SPATA1: variants seen among roughly 807,000 people sequenced by gnomAD.
SPATA1 encodes the protein spermatogenesis-associated protein 1.
Under a neutral mutation model 59.6 loss-of-function variants are expected in SPATA1, and 57 were observed. The observed-to-expected ratio is 0.96, with a 90% CI of 0.77 to 1.19. The LOEUF is 1.19. Ranked by LOEUF, SPATA1 falls within the 50% of genes most tolerant of loss-of-function variation. The probability of loss-of-function intolerance (pLI) is 0.00; values close to 1 mark genes in which losing one functional copy is unlikely to be tolerated. For synonymous variants in SPATA1, 147 were observed against 163.9 expected (o/e 0.90, Z 0.79); for missense variants, 448 against 480.7 (o/e 0.93, Z 0.64).
At chr1:84,558,337 T>G (rs974391563), downstream of SPATA1, among the ~76,000 whole-genome samples, 2 of 151,392 alleles carry the variant, frequency 1.3e-5, no homozygotes, top group Non-Finnish European at 1.5e-5. Flanking sequence ...TCGCCCAGGC[T>G]GGAGTGCAGT....
At chr1:84,539,430 G>A (rs1392400088) in intron 8 of SPATA1, among the ~76,000 whole-genome samples, 6 of 152,116 alleles carry the variant, frequency 3.9e-5, no homozygotes, top group Non-Finnish European at 4.4e-5. Context: ...TTACGCTCCC[G>A]CTAGGAATCC....
In SPATA1 at chr1:84,532,908, T is replaced by C. The variant is rs946256060; in HGVS notation, c.593T>C (p.Ile198Thr). The C allele has an allele frequency of 3.4e-5, 53 of 1,552,074 alleles. No homozygotes were observed. In the Middle Eastern group the frequency reaches 1.3e-3, roughly 39 times the overall value. Reference sequence around the variant, plus strand: ...AAAAGCCAAATTGCAAAAAATCAAATTGGAAATTCTGAGTTGCCAGGATCA... The same window carrying C: ...AAAAGCCAAATTGCAAAAAATCAAACTGGAAATTCTGAGTTGCCAGGATCA... The change falls in exon 7 of 13, where the codon ATT (isoleucine) becomes ACT (threonine). Residue 198 changes from isoleucine to threonine, a missense_variant. Ile to Thr is a moderately conservative substitution (Grantham distance 89). Coordinates refer to ENST00000490879, the Ensembl canonical transcript of SPATA1.
At chr1:84,541,387 T>G (rs58210479) in intron 8 of SPATA1, among the ~76,000 whole-genome samples, 1 of 151,852 alleles carries the variant, frequency 6.6e-6, no homozygotes, top group Non-Finnish European at 1.5e-5. Flanking sequence ...TCTGCCACTT[T>G]CATTCTGATC....
intron 8 of SPATA1, 131 bp from the exon 9 acceptor site, chr1:84,544,071 C>T: frequency 1.6e-6 from 1 of 631,406 alleles, no homozygotes; most frequent in Non-Finnish European, 2.8e-6. Flanking sequence ...GCTATAAATA[C>T]AAAATTTGGA....
chr1:84,566,020 A>G, exon 5 of SPATA1: 1 of 1,508,676 alleles, frequency 6.6e-7, no homozygotes, highest in Non-Finnish European at 8.9e-7. Context: ...TACCTGTGGA[A>G]AAAAATCTTA....
chr1:84,520,800 C>A, intron 3 of SPATA1, 109 bp downstream of exon 3: 1 of 729,918 alleles, frequency 1.4e-6, no homozygotes, highest in Non-Finnish European at 2.2e-6. Context: ...ATATTTTGTC[C>A]ACGTGATAGA....
At chr1:84,521,230 A>G (rs1683012998) in intron 3 of SPATA1, among the ~76,000 whole-genome samples, 1 of 152,208 alleles carries the variant, frequency 6.6e-6, no homozygotes, top group Admixed American at 6.5e-5. Flanking sequence ...ATCTGAGAAT[A>G]GCAGTTAAAG....
intron 8 of SPATA1, among the ~76,000 whole-genome samples, chr1:84,543,291 A>C (rs1388487200): frequency 6.6e-6 from 1 of 152,210 alleles, no homozygotes; most frequent in Admixed American, 6.5e-5. Context: ...AAACATCAAC[A>C]TGGTAAGGCT....
chr1:84,566,122 C>T, exon 5 of SPATA1: 1 of 537,790 alleles, frequency 1.9e-6, no homozygotes, highest in South Asian at 5.9e-5. Flanking sequence ...GGAAAAGGAA[C>T]TGCTTACAGT....
At chr1:84,555,120 T>C (rs149668513), downstream of SPATA1, 46 of 1,613,846 alleles carry the variant, frequency 2.9e-5, no homozygotes, top group East Asian at 7.8e-4. Flanking sequence ...CCGTAAGCGA[T>C]AGTTTTGTAT....
downstream of SPATA1, among the ~76,000 whole-genome samples, chr1:84,558,321 G>A (rs979048588): frequency 2.7e-5 from 4 of 148,180 alleles, no homozygotes; most frequent in Admixed American, 6.7e-5. Flanking sequence ...ACGGAGTCTC[G>A]CTCTGTCGCC....
At chr1:84,530,819 C>T (rs1264812899) in intron 6 of SPATA1, among the ~76,000 whole-genome samples, 2 of 152,246 alleles carry the variant, frequency 1.3e-5, no homozygotes, top group Non-Finnish European at 2.9e-5. Context: ...TAGAATCATA[C>T]TGATCTTTTC....
In SPATA1 at chr1:84,553,746, G is replaced by A. The variant is rs577244050; in HGVS notation, c.*622G>A. The A allele has an allele frequency of 3.3e-5, 5 of 152,200 alleles. No individual in the cohort carries two copies. The East Asian group carries it at 9.6e-4, about 29-fold the overall frequency. 9.4% of individuals were successfully genotyped at this position (152,200 alleles called of 1,614,324 possible). On this transcript the variant is annotated 3_prime_UTR_variant, in exon 13 of 13. Coordinates refer to ENST00000490879, the Ensembl canonical transcript of SPATA1. ...GAAATGTAATATTCTCATAACAGAT[G>A]GTTCAATCATCATGTATTCCAATTT...
chr1:84,536,374 T>A (rs553420868), intron 8 of SPATA1, among the ~76,000 whole-genome samples: 39 of 152,362 alleles, frequency 2.6e-4, no homozygotes, highest in African/African-American at 8.7e-4. Context: ...ATGCCAAGAA[T>A]TTCTTGTTAA....
chr1:84,557,888 A>G (rs1684495180), downstream of SPATA1, among the ~76,000 whole-genome samples: 1 of 151,840 alleles, frequency 6.6e-6, no homozygotes, highest in Non-Finnish European at 1.5e-5. Flanking sequence ...GGAAACAGTT[A>G]TAACTAGATT....
chr1:84,530,529 G>C (rs549089003), intron 6 of SPATA1, among the ~76,000 whole-genome samples: 113 of 152,258 alleles, frequency 7.4e-4, no homozygotes, highest in South Asian at 5.8e-3. Flanking sequence ...TTTTAACTTG[G>C]CATGATTGGA....
chr1:84,545,645 A>G, exon 10 of SPATA1: 1 of 1,513,910 alleles, frequency 6.6e-7, no homozygotes, highest in Admixed American at 2.6e-5. Context: ...AGAGAAGATT[A>G]TCAAACAAAT....
chr1:84,552,972 AC>A, intron 12 of SPATA1: 1 of 1,097,018 alleles, frequency 9.1e-7, no homozygotes, highest in Non-Finnish European at 1.3e-6. Context: ...TTACATGACA[AC>A]TATGATGTAC....
intron 8 of SPATA1, among the ~76,000 whole-genome samples, chr1:84,541,980 T>C (rs1386629006): frequency 6.6e-6 from 1 of 152,134 alleles, no homozygotes; most frequent in East Asian, 1.9e-4. Flanking sequence ...TTTATTTTCA[T>C]TTTTCTTGAG....
Sources: allele counts gnomAD v4.1 joint callset (sites outside exome capture counted in the v4.1 genomes callset), GRCh38; gene constraint gnomAD v4.1.1; transcripts MANE v1.5; gene names NCBI Gene and HGNC (gene_info 2026-07-23, HGNC 2026-07-21).